Variants in NF1 observed in about 807,000 individuals in gnomAD.
NF1 encodes the protein neurofibromin.
NF1 carries 122 observed loss-of-function variants against 325.7 expected under a neutral mutation model. The ratio of observed to expected loss-of-function variants is 0.37; its 90% CI spans 0.32 to 0.44. The LOEUF (loss-of-function observed/expected upper bound fraction) is 0.44, where lower values mean the gene tolerates loss of function less well. Among genes scored for constraint, NF1 ranks in the 20% least tolerant of loss-of-function variants. The probability of loss-of-function intolerance (pLI) is 1.00; values close to 1 mark genes in which losing one functional copy is unlikely to be tolerated. For missense variants in NF1, 2,140 were observed against 3,415.4 expected (o/e 0.63, Z 9.31); for synonymous variants, 1,091 against 1,186.0 (o/e 0.92, Z 1.65).
chr17:31,195,158 T>A (rs926964595), intron 8 of NF1, among the ~76,000 whole-genome samples: 29 of 152,108 alleles, frequency 1.9e-4, no homozygotes, highest in African/African-American at 6.3e-4. Context: ...TAATGGAAAT[T>A]TTCACTGTAC....
At chr17:31,308,416 C>G (rs1386573457) in intron 36 of NF1, among the ~76,000 whole-genome samples, 1 of 152,148 alleles carries the variant, frequency 6.6e-6, no homozygotes, top group East Asian at 1.9e-4. Flanking sequence ...GCTGGGATTA[C>G]AGGCATGAGC....
In NF1 at chr17:31,222,034, T is replaced by C. The variant is rs904954691; in HGVS notation, c.1721+105T>C. 3.8e-6 allele frequency: 5 copies of C among 1,314,560 alleles called. No individual in the cohort carries two copies. The African/African-American group carries it at 7.6e-5, about 20-fold the overall frequency. 81.4% of individuals were successfully genotyped at this position (1,314,560 alleles called of 1,614,324 possible). A position where few individuals can be genotyped will look rare whatever the true frequency, so the allele number is the denominator to read the frequency against. On this transcript the variant is annotated intron_variant, in intron 15 of 57. Transcript: ENST00000358273. ...CTTAGTACATTGTAAAACTTACACT[T>C]CCAAAGGTTTTATGGTTTTGTATTT...
intron 30 of NF1, chr17:31,252,544 A>G: frequency 4.5e-6 from 1 of 222,224 alleles, no homozygotes. Context: ...ACATACCAAG[A>G]AAAAATTATG....
intron 8 of NF1, among the ~76,000 whole-genome samples, chr17:31,196,777 T>A (rs1165467343): frequency 1.3e-5 from 2 of 152,310 alleles, no homozygotes; most frequent in East Asian, 3.9e-4. Flanking sequence ...TTTCCTAGCA[T>A]CATTTGTTGA....
chr17:31,269,739 C>T (rs2067857205), intron 36 of NF1, among the ~76,000 whole-genome samples: 1 of 152,176 alleles, frequency 6.6e-6, no homozygotes, highest in Non-Finnish European at 1.5e-5. Context: ...GTTCTCCCAG[C>T]TTAACAATCC....
At chr17:31,126,000 C>A (rs760733875) in intron 1 of NF1, among the ~76,000 whole-genome samples, 13 of 152,084 alleles carry the variant, frequency 8.5e-5, no homozygotes, top group Non-Finnish European at 1.6e-4. Context: ...GCCTGGCCAA[C>A]GTGGTAAAAC....
intron 11 of NF1, among the ~76,000 whole-genome samples, chr17:31,205,867 A>C (rs1295973632): frequency 6.6e-6 from 1 of 152,042 alleles, no homozygotes; most frequent in African/African-American, 2.4e-5. Context: ...TATGCCATGT[A>C]TGCACGTGTG....
Position 31,118,739 on chromosome 17 carries a change from C to T in NF1, c.60+23370C>T, listed in dbSNP as rs573405775. Among the ~76,000 whole-genome samples, 31 of 152,078 alleles carry T rather than the reference C, an allele frequency of 2.0e-4. No individual in the cohort carries two copies. The South Asian group carries it at 2.3e-3, about 11-fold the overall frequency. On this transcript the variant is annotated intron_variant, in intron 1 of 57. Transcript: ENST00000358273. ...AAGTCTTTGCTATTGTGAACAGTGCCGCAATAAACATAGGTGTACATGTGT... is the reference window on the plus strand; with the variant it reads ...AAGTCTTTGCTATTGTGAACAGTGCTGCAATAAACATAGGTGTACATGTGT...
At position 31,340,622 on chromosome 17, in the gene NF1, A is replaced by G. The variant is rs1060500318; in HGVS notation, c.7039A>G (p.Ser2347Gly). The G allele has an allele frequency of 4.3e-6, 7 of 1,614,044 alleles. No individual in the cohort carries two copies. Among genetic ancestry groups the G allele is most frequent in the East Asian group, 2.2e-5 (1 of 44,894 alleles). The change falls in exon 47 of 58, where the codon AGT (serine) becomes GGT (glycine). Residue 2347 changes from serine to glycine, a missense_variant. This residue lies in a region of NF1 where 522 missense variants were observed against 749.0 expected (regional missense o/e 0.70). Transcript: ENST00000358273. Reference sequence around the variant, plus strand: ...TGAACAAAACCTGCATACTTTAGATAGTCTCCGTATATTCAATGACAAGGT... The same window carrying G: ...TGAACAAAACCTGCATACTTTAGATGGTCTCCGTATATTCAATGACAAGGT... The part of the protein sequence containing the change: ...LLEQNLHTLD[S>G]LRIFNDKSPE...
At chr17:31,265,631 G>A (rs1396328767) in intron 36 of NF1, among the ~76,000 whole-genome samples, 2 of 151,794 alleles carry the variant, frequency 1.3e-5, no homozygotes, top group South Asian at 4.2e-4. Flanking sequence ...AGAATCTTTT[G>A]TTTTCAAGTA....
At chr17:31,171,963 G>A (rs747216306) in intron 5 of NF1, among the ~76,000 whole-genome samples, 1 of 152,124 alleles carries the variant, frequency 6.6e-6, no homozygotes, top group Admixed American at 6.6e-5. Flanking sequence ...ACTCAAATAG[G>A]GTGAGTGTAA....
At chr17:31,279,190 T>C (rs1367453872) in intron 36 of NF1, among the ~76,000 whole-genome samples, 1 of 152,142 alleles carries the variant, frequency 6.6e-6, no homozygotes, top group African/African-American at 2.4e-5. Flanking sequence ...AAGGTTGCAG[T>C]GAGCTATGTT....
At chr17:31,156,245 C>T (rs937188778) in intron 2 of NF1, 119 bp downstream of exon 2, 3 of 1,181,264 alleles carry the variant, frequency 2.5e-6, no homozygotes, top group Non-Finnish European at 3.7e-6. Context: ...TGGATATAAC[C>T]ATTAATCTTA....
intron 4 of NF1, among the ~76,000 whole-genome samples, chr17:31,169,077 C>G (rs1325221753): frequency 4.6e-5 from 7 of 152,228 alleles, no homozygotes; most frequent in Admixed American, 3.9e-4. Flanking sequence ...AATATTATAA[C>G]AGGCTTGTGT....
Position 31,227,247 on chromosome 17 carries a change from G to A in NF1, c.2281G>A (p.Ala761Thr), listed in dbSNP as rs786202504. 6.2e-7 allele frequency: 1 copy of A among 1,613,738 alleles called. No individual in the cohort carries two copies. The change falls in exon 19 of 58, where the codon GCA (alanine) becomes ACA (threonine). Residue 761 changes from alanine to threonine, a missense_variant. Around this residue, in one of 10 missense-constraint regions of NF1, gnomAD observed 380 missense variants for 639.3 expected, o/e 0.59. Transcript: ENST00000358273. ...AGCAGCACTTCAGAAAAGAGTGATG[G>A]CACTGCTGAGGCGCATTGAGCATCC... Reference protein sequence around the residue: ...GRAALQKRVMALLRRIEHPTA... With the variant: ...GRAALQKRVMTLLRRIEHPTA...
At chr17:31,221,739 A>G (rs1314248527) in intron 14 of NF1, 111 bp from the exon 15 acceptor site, 3 of 768,578 alleles carry the variant, frequency 3.9e-6, no homozygotes, top group Non-Finnish European at 4.4e-6. Flanking sequence ...GAAACTACAA[A>G]TGAAAGAGCT....
intron 1 of NF1, among the ~76,000 whole-genome samples, chr17:31,148,474 G>T (rs193235607): frequency 6.6e-6 from 1 of 150,420 alleles, no homozygotes; most frequent in Non-Finnish European, 1.5e-5. Flanking sequence ...GGAAATGGTC[G>T]TTCAAGATTA....
chr17:31,247,564 T>A (rs186680480), intron 29 of NF1, among the ~76,000 whole-genome samples: 3 of 152,142 alleles, frequency 2.0e-5, no homozygotes, highest in Non-Finnish European at 4.4e-5. Flanking sequence ...ACTGCTAGAT[T>A]GGAGGGGAAT....
chr17:31,305,343 A>G, intron 36 of NF1: 5 of 1,614,136 alleles, frequency 3.1e-6, no homozygotes, highest in Non-Finnish European at 4.2e-6. Context: ...CTGGTTTTTC[A>G]GAAGAGGTAT....
Sources: gnomAD v4.1 joint callset for allele counts (sites outside exome capture counted in the v4.1 genomes callset) on GRCh38, gnomAD v4.1.1 for gene constraint, gnomAD v4.1.1 regional missense constraint, MANE v1.5 for transcripts, NCBI Gene and HGNC (gene_info 2026-07-23, HGNC 2026-07-21) for gene names.